BID: variants seen among roughly 807,000 people sequenced by gnomAD.
BID encodes the protein BH3-interacting domain death agonist.
Under a neutral mutation model 17.4 loss-of-function variants are expected in BID, and 19 were observed. That is an observed-to-expected ratio of 1.09 (90% CI 0.76 to 1.60). The LOEUF (loss-of-function observed/expected upper bound fraction) is 1.60, where lower values mean the gene tolerates loss of function less well. BID is among the 40% of genes most tolerant of loss of function. BID has a pLI of 0.00. For missense variants in BID, 226 were observed against 256.0 expected (o/e 0.88, Z 0.80); for synonymous variants, 108 against 102.8 (o/e 1.05, Z -0.31).
intron 1 of BID, among the ~76,000 whole-genome samples, chr22:17,757,619 G>A (rs2061602504): frequency 6.7e-6 from 1 of 150,312 alleles, no homozygotes; most frequent in South Asian, 2.1e-4. Context: ...TGAGGCAGGA[G>A]AATGGAGTGA....
chr22:17,737,360 T>C (rs1223638568), intron 5 of BID, among the ~76,000 whole-genome samples: 1 of 152,166 alleles, frequency 6.6e-6, no homozygotes, highest in Non-Finnish European at 1.5e-5. Flanking sequence ...TTACACCTTT[T>C]TTTTGAGATG....
intron 2 of BID, among the ~76,000 whole-genome samples, chr22:17,746,339 CTAAAA>C (rs1212906971): frequency 6.6e-6 from 1 of 152,064 alleles, no homozygotes; most frequent in Non-Finnish European, 1.5e-5. Flanking sequence ...GCCCCTGAAT[CTAAAA>C]TAAAATAAAA....
At chr22:17,739,640 G>T in intron 3 of BID, 152 bp from the exon 4 acceptor site, 1 of 1,068,416 alleles carries the variant, frequency 9.4e-7, no homozygotes, top group Non-Finnish European at 1.3e-6. Context: ...CAGGGCCACA[G>T]CGGGCGGGCT....
rs570460456 is a variant in BID at position 17,738,622 on chromosome 22, A to G, written c.364-393T>C. 5.3e-5 allele frequency among the ~76,000 whole-genome samples: 8 copies of G among 152,244 alleles called. No homozygotes were observed. The South Asian group carries it at 1.2e-3, about 24-fold the overall frequency. On this transcript the variant is annotated intron_variant, in intron 4 of 5. Coordinates refer to ENST00000622694, the MANE Select transcript of BID (RefSeq NM_001196.4). Reference sequence around the variant, plus strand: ...GGGGTTCCTGGGGGACACTAGACAGACTACAAGGCTGGCAAGGACCGTCAG... The same window carrying G: ...GGGGTTCCTGGGGGACACTAGACAGGCTACAAGGCTGGCAAGGACCGTCAG...
chr22:17,744,375 C>A (rs1012823148), intron 2 of BID, among the ~76,000 whole-genome samples: 3 of 152,250 alleles, frequency 2.0e-5, no homozygotes, highest in African/African-American at 7.2e-5. Flanking sequence ...CATCCGCCAT[C>A]CTGTGCTGGC....
intron 5 of BID, among the ~76,000 whole-genome samples, chr22:17,736,810 T>TG (rs1182625907): frequency 2.9e-5 from 4 of 136,524 alleles, no homozygotes; most frequent in Non-Finnish European, 6.5e-5. Flanking sequence ...GCTCAGCTAA[T>TG]TTTTTTTTTT....
intron 2 of BID, among the ~76,000 whole-genome samples, chr22:17,745,389 G>T (rs1462021712): frequency 6.6e-6 from 1 of 152,100 alleles, no homozygotes; most frequent in Admixed American, 6.5e-5. Context: ...TTAATGCTTT[G>T]CTAGGTGATG....
rs1165051476 is a variant in BID, at chr22:17,757,535, C to T, written c.-58-7361G>A. Among the ~76,000 whole-genome samples the T allele has an allele frequency of 2.6e-5, 4 of 151,636 alleles. 1 individual carries two copies. The highest frequency in any genetic ancestry group is 4.2e-4 in the South Asian group (2 of 4,816). On this transcript the variant is annotated intron_variant, in intron 1 of 5. Coordinates refer to ENST00000622694, the MANE Select transcript of BID (RefSeq NM_001196.4). ...CATCCTGGCTAACACGGTGAAACCCCGTCTCTACTAAAAATACAAAAAAAT... is the reference window on the plus strand; with the variant it reads ...CATCCTGGCTAACACGGTGAAACCCTGTCTCTACTAAAAATACAAAAAAAT...
intron 1 of BID, among the ~76,000 whole-genome samples, chr22:17,757,715 A>C (rs1256291365): frequency 5.3e-5 from 8 of 151,336 alleles, no homozygotes; most frequent in Non-Finnish European, 1.2e-4. Context: ...TCTCAAAAAA[A>C]AAAAAAAAAG....
chr22:17,774,530 C>G, upstream of BID: 6 of 162,450 alleles, frequency 3.7e-5, no homozygotes, highest in South Asian at 3.7e-4. Flanking sequence ...CGGCCCGCCC[C>G]GGCCCGCCCC....
Position 17,743,803 on chromosome 22 carries a change from C to T in BID, c.223G>A (p.Asp75Asn). 2.5e-6 allele frequency: 4 copies of T among 1,610,194 alleles called. No homozygotes were observed. Among genetic ancestry groups the T allele is most frequent in the East Asian group, 2.2e-5 (1 of 44,818 alleles). The change falls in exon 3 of 6, where the codon GAT becomes AAT. Residue 75 changes from aspartate (D) to asparagine (N), a missense_variant and splice_region_variant. Coordinates refer to ENST00000622694, the MANE Select transcript of BID (RefSeq NM_001196.4). ...SHSRLGRIEA[D>N]SESQEDIIRN... The stretch of plus-strand genomic sequence containing the variant: ...GAAGGAGGTGGGGCCGGCCGCCTAC[C>T]TGCCTCTATTCTTCCCAAGCGGGAG...
chr22:17,739,725 C>T (rs2061445270), intron 3 of BID: 2 of 596,674 alleles, frequency 3.4e-6, no homozygotes, highest in Admixed American at 3.0e-5. Context: ...CTCCCGCACA[C>T]AGGCACCACG....
intron 2 of BID, 105 bp from the exon 3 acceptor site, chr22:17,744,118 G>T: frequency 9.7e-7 from 1 of 1,035,198 alleles, no homozygotes; most frequent in East Asian, 2.4e-5. Flanking sequence ...ACAGGTCCCA[G>T]AGAGCTGAGG....
Position 17,771,379 on chromosome 22 carries a change from G to A in BID, c.-59+3002C>T, listed in dbSNP as rs551992808. Among the ~76,000 whole-genome samples the A allele has an allele frequency of 5.3e-5, 8 of 152,210 alleles. No individual in the cohort carries two copies. The South Asian group carries it at 6.2e-4, about 12-fold the overall frequency. ...CTCCCAAAGTGCTGGGATTACAGGC[G>A]TGAGCCACCGCGCCCGGCTGGTCTT... On this transcript the variant is annotated intron_variant, in intron 1 of 5. Transcript: ENST00000622694.
At chr22:17,739,769 C>T (rs1036959546) in intron 3 of BID, 7 of 576,390 alleles carry the variant, frequency 1.2e-5, no homozygotes, top group African/African-American at 1.9e-5. Flanking sequence ...GCTGGGGCAT[C>T]ACGACCACGC....
chr22:17,762,379 C>T (rs1396448918), intron 1 of BID, among the ~76,000 whole-genome samples: 1 of 151,998 alleles, frequency 6.6e-6, no homozygotes. Flanking sequence ...CACCTGTAAC[C>T]CAGCTACTCG....
chr22:17,762,553 C>CCA (rs1569051426), intron 1 of BID, among the ~76,000 whole-genome samples: 7 of 145,704 alleles, frequency 4.8e-5, no homozygotes, highest in African/African-American at 1.3e-4. Context: ...AATGAATGAA[C>CCA]ACTTTTTTTT....
At chr22:17,745,441 G>C (rs187628533) in intron 2 of BID, among the ~76,000 whole-genome samples, 1 of 152,132 alleles carries the variant, frequency 6.6e-6, no homozygotes, top group Admixed American at 6.5e-5. Context: ...CAGGAGGATC[G>C]TTTGAGCCCA....
chr22:17,765,060 G>C (rs2061668585), intron 1 of BID, among the ~76,000 whole-genome samples: 1 of 152,134 alleles, frequency 6.6e-6, no homozygotes, highest in Non-Finnish European at 1.5e-5. Flanking sequence ...GAGGGGTGGG[G>C]GTAGAGAATT....
Sources: gnomAD v4.1 joint callset for allele counts (sites outside exome capture counted in the v4.1 genomes callset) on GRCh38, gnomAD v4.1.1 for gene constraint, MANE v1.5 for transcripts, NCBI Gene and HGNC (gene_info 2026-07-23, HGNC 2026-07-21) for gene names.